SEMA4B: variants seen among roughly 807,000 people sequenced by gnomAD.
SEMA4B encodes the protein semaphorin-4B.
SEMA4B carries 55 observed loss-of-function variants against 88.1 expected under a neutral mutation model. The ratio of observed to expected loss-of-function variants is 0.62; its 90% CI spans 0.50 to 0.78. The LOEUF is 0.78. Among genes scored for constraint, SEMA4B ranks in the 30% least tolerant of loss-of-function variants. The probability of loss-of-function intolerance (pLI) is 0.00; values close to 1 mark genes in which losing one functional copy is unlikely to be tolerated. For missense variants in SEMA4B, 1,062 were observed against 1,111.9 expected (o/e 0.96, Z 0.64); for synonymous variants, 525 against 473.6 (o/e 1.11, Z -1.41).
intron 7 of SEMA4B, among the ~76,000 whole-genome samples, chr15:90,223,344 C>T (rs1961961711): frequency 6.6e-6 from 1 of 152,164 alleles, no homozygotes; most frequent in African/African-American, 2.4e-5. Flanking sequence ...GAATCGCGTC[C>T]ATATTTAGGA....
In SEMA4B at chr15:90,228,929, CA is replaced by C. The variant is rs1405923357; in HGVS notation, c.*288del. ...TAAACTGAGCCCTTTGTTTAAAAAA[CA>C]ATTCCAAATGTGAAACTAGAATGAG... On this transcript the variant is annotated 3_prime_UTR_variant, in exon 14 of 14. Transcript: ENST00000411539. 10 of 527,010 alleles carry C rather than the reference CA, an allele frequency of 1.9e-5. No individual in the cohort carries two copies. The highest frequency in any genetic ancestry group is 2.8e-4 in the Middle Eastern group (1 of 3,550). The allele number at this position is 527,010 out of a possible 1,614,324, so 32.6% of individuals were successfully genotyped here.
At position 90,189,287 on chromosome 15, in the gene SEMA4B, C is replaced by T. The variant is rs1596113516; in HGVS notation, c.-122+4206C>T. 2.6e-5 allele frequency among the ~76,000 whole-genome samples: 4 copies of T among 152,128 alleles called. No individual in the cohort carries two copies. The South Asian group carries it at 8.3e-4, about 32-fold the overall frequency. ...TATCAGAAGAGGTGGATGGCTATAA[C>T]TTGAGACAAAACGTGGTTGATTTCT... On this transcript the variant is annotated intron_variant, in intron 1 of 14. Transcript: ENST00000332496.
intron 2 of SEMA4B, 22 bp downstream of exon 2, chr15:90,217,624 T>A: frequency 6.2e-7 from 1 of 1,612,324 alleles, no homozygotes; most frequent in East Asian, 2.2e-5. Flanking sequence ...TGCCTGGAGC[T>A]GGCTAGGCTG....
chr15:90,188,815 C>A (rs973745689), intron 1 of SEMA4B, among the ~76,000 whole-genome samples: 1 of 151,726 alleles, frequency 6.6e-6, no homozygotes, highest in East Asian at 2.0e-4. Flanking sequence ...CTACAGGCAC[C>A]CACCACCACG....
Position 90,225,682 on chromosome 15 carries a change from C to T in SEMA4B, c.1543C>T (p.His515Tyr), listed in dbSNP as rs1487464769. ...THRGLLYAAS[H>Y]SGVVQVPMAN... ...GCAGGGGCTGCTGTATGCGGCCTCA[C>T]ACTCGGGCGTAGTCCAGGTGCCCAT... The change falls in exon 12 of 14, where the codon CAC (histidine) becomes TAC (tyrosine). Residue 515 changes from histidine (H) to tyrosine (Y), a missense_variant. By Grantham distance (83) the His-to-Tyr change is moderately conservative. Transcript: ENST00000411539. The T allele has an allele frequency of 2.6e-6, 4 of 1,567,414 alleles. No individual in the cohort carries two copies. The highest frequency in any genetic ancestry group is 3.7e-5 in the Admixed American group (2 of 53,762).
At chr15:90,221,542 G>A (rs1961844754) in intron 6 of SEMA4B, 62 bp downstream of exon 6, 2 of 1,607,432 alleles carry the variant, frequency 1.2e-6, no homozygotes, top group South Asian at 1.1e-5. Flanking sequence ...CTAGAAGGGG[G>A]CACTTTCCCC....
chr15:90,216,594 G>A (rs1961543301), intron 1 of SEMA4B, among the ~76,000 whole-genome samples: 1 of 152,170 alleles, frequency 6.6e-6, no homozygotes, highest in African/African-American at 2.4e-5. Flanking sequence ...AAAGACCAGT[G>A]CTTTTTTGGG....
chr15:90,223,532 G>A, intron 7 of SEMA4B, 27 bp from the exon 8 acceptor site: 2 of 1,548,594 alleles, frequency 1.3e-6, no homozygotes, highest in Admixed American at 1.9e-5. Flanking sequence ...ATGTGCCTAA[G>A]CCCAGCCCAT....
At position 90,229,444 on chromosome 15, in the gene SEMA4B, A is replaced by G; in HGVS notation, c.*801A>G. On this transcript the variant is annotated 3_prime_UTR_variant, in exon 14 of 14. Transcript: ENST00000411539. ...CCGTGTGCCCCTTCCCACCATATCCACCCTCGCTCCATCTTTGAACTCAAA... is the reference window on the plus strand; with the variant it reads ...CCGTGTGCCCCTTCCCACCATATCCGCCCTCGCTCCATCTTTGAACTCAAA... The G allele has an allele frequency of 2.2e-6, 1 of 454,352 alleles. No individual in the cohort carries two copies. Among genetic ancestry groups the G allele is most frequent in the South Asian group, 1.6e-5 (1 of 64,354 alleles). 28.1% of individuals were successfully genotyped at this position (454,352 alleles called of 1,614,324 possible).
chr15:90,206,892 T>C (rs1961018501), intron 1 of SEMA4B: 1 of 705,680 alleles, frequency 1.4e-6, no homozygotes, highest in Non-Finnish European at 2.6e-6. Flanking sequence ...GTTGCAGTTG[T>C]ATAGTAGTTA....
chr15:90,218,857 G>A (rs983302963), intron 3 of SEMA4B, among the ~76,000 whole-genome samples: 4 of 152,182 alleles, frequency 2.6e-5, no homozygotes, highest in Admixed American at 6.5e-5. Context: ...TTGGCGGGGC[G>A]TGGGATGGAA....
At chr15:90,192,270 C>G (rs1434036262) in intron 1 of SEMA4B, among the ~76,000 whole-genome samples, 1 of 152,238 alleles carries the variant, frequency 6.6e-6, no homozygotes, top group African/African-American at 2.4e-5. Context: ...AGCAACAACT[C>G]CCAGAGTAGA....
intron 1 of SEMA4B, among the ~76,000 whole-genome samples, chr15:90,186,395 G>A (rs957542355): frequency 1.3e-5 from 2 of 151,626 alleles, no homozygotes; most frequent in African/African-American, 4.8e-5. Flanking sequence ...CGAGGCAGGC[G>A]GATCACCTGA....
At position 90,225,085 on chromosome 15, in the gene SEMA4B, C is replaced by A. The variant is rs1962077458; in HGVS notation, c.1312C>A (p.Leu438Met). The A allele has an allele frequency of 6.2e-7, 1 of 1,613,452 alleles. No homozygotes were observed. Among genetic ancestry groups the A allele is most frequent in the Admixed American group, 1.7e-5 (1 of 60,008 alleles). The stretch of plus-strand genomic sequence containing the variant: ...GGACGGGCAGGTCCGAAGCCGCATG[C>A]TGCTGCTGCAGCCCCAGGCTCGCTA... ...LMDGQVRSRM[L>M]LLQPQARYQR... Residue 438 changes from leucine (L) to methionine (M), a missense_variant, in exon 10 of 14, where the codon CTG (leucine) becomes ATG (methionine). By Grantham distance (15) the Leu-to-Met change is conservative. Transcript: ENST00000411539.
intron 11 of SEMA4B, 25 bp from the exon 12 acceptor site, chr15:90,225,636 C>T: frequency 5.1e-6 from 8 of 1,554,730 alleles, no homozygotes; most frequent in Non-Finnish European, 7.0e-6. Context: ...ATGCCCGCTT[C>T]TCATCCCCGT....
At chr15:90,190,302 C>G (rs1369760490) in intron 1 of SEMA4B, 2 of 152,278 alleles carry the variant, frequency 1.3e-5, no homozygotes, top group African/African-American at 4.8e-5. Flanking sequence ...AGAACCTCCA[C>G]CCTGGCAAAG....
intron 1 of SEMA4B, among the ~76,000 whole-genome samples, chr15:90,186,712 C>T (rs1316162737): frequency 3.3e-5 from 5 of 152,220 alleles, no homozygotes; most frequent in Admixed American, 6.5e-5. Context: ...CCGAGATGGG[C>T]GGAGAGGTCA....
rs116567718 is a variant in SEMA4B at position 90,219,493 on chromosome 15, A to T, written c.385-300A>T. The T allele has an allele frequency of 2.9e-3, 860 of 300,642 alleles. 13 individuals are homozygous for T. The highest frequency in any genetic ancestry group is 0.017 in the African/African-American group (792 of 46,418). The allele number at this position is 300,642 out of a possible 1,614,324, so 18.6% of individuals were successfully genotyped here. A position where few individuals can be genotyped will look rare whatever the true frequency, so the allele number is the denominator to read the frequency against. ...GAGGGGCCTGTGGCTTCTGAAGAGG[A>T]TGCTGCTGGGGAATAGTACAACTCA... On this transcript the variant is annotated intron_variant, in intron 3 of 13. Coordinates refer to ENST00000411539, the MANE Select transcript of SEMA4B (RefSeq NM_198925.4).
rs35621515 is a variant in SEMA4B, at chr15:90,221,214, A to AG, written c.595+125dup. The AG allele has an allele frequency of 3.3e-3, 3,579 of 1,098,834 alleles. 90 individuals are homozygous for AG. The African/African-American group carries it at 0.048, about 15-fold the overall frequency. The allele number at this position is 1,098,834 out of a possible 1,614,324, so 68.1% of individuals were successfully genotyped here. A position where few individuals can be genotyped will look rare whatever the true frequency, so the allele number is the denominator to read the frequency against. ...TTATTTCCAAGGGGACAGAATGGCC[A>AG]GGGGCTTGCCTTGGGTTTGGTTTTT... On this transcript the variant is annotated intron_variant, in intron 5 of 13. Transcript: ENST00000411539.
Sources: gnomAD v4.1 joint callset for allele counts (sites outside exome capture counted in the v4.1 genomes callset) on GRCh38, gnomAD v4.1.1 for gene constraint, MANE v1.5 for transcripts, NCBI Gene and HGNC (gene_info 2026-07-23, HGNC 2026-07-21) for gene names.